Variants in WDR27 observed in about 807,000 individuals in gnomAD.
WDR27 encodes the protein WD repeat-containing protein 27.
A neutral mutation model predicts 114.4 loss-of-function variants in WDR27; 100 were observed. That is an observed-to-expected ratio of 0.87 (90% CI 0.74 to 1.03). The LOEUF is 1.03. Among genes scored for constraint, WDR27 ranks in the 50% least tolerant of loss-of-function variants. The pLI, the probability that WDR27 is intolerant of heterozygous loss-of-function variation, is 0.00. For missense variants in WDR27, 1,129 were observed against 1,092.9 expected, an observed-to-expected ratio of 1.03 and a Z score of -0.47; for synonymous variants, 449 against 423.1, an observed-to-expected ratio of 1.06 and a Z score of -0.75.
At chr6:169,622,237 T>C (rs1183378423) in intron 21 of WDR27, among the ~76,000 whole-genome samples, 1 of 152,212 alleles carries the variant, frequency 6.6e-6, no homozygotes, top group Admixed American at 6.5e-5. Flanking sequence ...TGATGTCTCA[T>C]GTCTCCCTAG....
intron 25 of WDR27, among the ~76,000 whole-genome samples, chr6:169,507,826 G>C (rs1451712502): frequency 6.6e-6 from 1 of 152,116 alleles, no homozygotes; most frequent in Non-Finnish European, 1.5e-5. Flanking sequence ...TTGACACATG[G>C]TGAAGTGGAG....
rs370713473 is a variant in WDR27 at position 169,647,848 on chromosome 6, C to T, written c.1582G>A (p.Ala528Thr). Residue 528 changes from alanine (A) to threonine (T), a missense_variant, in exon 16 of 26, where the codon GCT becomes ACT. By Grantham distance (58) the Ala-to-Thr change is moderately conservative. Coordinates refer to ENST00000448612, the MANE Select transcript of WDR27 (RefSeq NM_182552.5). Reference sequence around the variant, plus strand: ...TGGGGGCCGGGCTTGGTGGGCACAGCGCACTCCACGGGGTATGCCTCCCTG... The same window carrying T: ...TGGGGGCCGGGCTTGGTGGGCACAGTGCACTCCACGGGGTATGCCTCCCTG... ...CAREAYPVECAVPTKPGPQVA... is the reference protein window; with the variant it reads ...CAREAYPVECTVPTKPGPQVA... The T allele has an allele frequency of 8.3e-6, 13 of 1,573,294 alleles. No homozygotes were observed. The highest frequency in any genetic ancestry group is 2.7e-5 in the African/African-American group (2 of 73,974).
intron 2 of WDR27, among the ~76,000 whole-genome samples, chr6:169,677,994 G>A (rs1005020652): frequency 1.3e-5 from 2 of 152,252 alleles, no homozygotes; most frequent in African/African-American, 4.8e-5. Context: ...GCAGAAGCCT[G>A]CTGCAGGAGT....
At chr6:169,527,082 T>C (rs1795045440) in intron 25 of WDR27, among the ~76,000 whole-genome samples, 1 of 152,250 alleles carries the variant, frequency 6.6e-6, no homozygotes, top group Non-Finnish European at 1.5e-5. Context: ...TATAAAGGTT[T>C]AGCAATTCTT....
intron 13 of WDR27, among the ~76,000 whole-genome samples, chr6:169,655,382 G>A (rs1162130667): frequency 6.6e-6 from 1 of 152,212 alleles, no homozygotes; most frequent in Non-Finnish European, 1.5e-5. Flanking sequence ...GGTACAGCAG[G>A]GTGCTGCAAA....
rs201763660 is a variant in WDR27, at chr6:169,468,554, A to G, written c.2646-10920T>C. ...TGGAGGTAACCACCACCATGATTCA[A>G]TTACCTCCCACCAGGTCCCTCCCAT... On this transcript the variant is annotated intron_variant, in intron 25 of 25. Transcript: ENST00000448612. 1.7e-4 allele frequency among the ~76,000 whole-genome samples: 26 copies of G among 152,326 alleles called. No individual in the cohort carries two copies. The East Asian group carries it at 4.8e-3, about 28-fold the overall frequency.
rs11342717 is a variant in WDR27 at position 169,531,655 on chromosome 6, GTT to G, written c.2645+40762_2645+40763del. 1.5e-3 allele frequency among the ~76,000 whole-genome samples: 200 copies of G among 133,000 alleles called. 1 individual carries two copies. In the Middle Eastern group the frequency reaches 0.017, roughly 11 times the overall value. The allele number at this position is 133,000 out of a possible 152,430, so 87.3% of individuals were successfully genotyped here. A position where few individuals can be genotyped will look rare whatever the true frequency, so the allele number is the denominator to read the frequency against. On this transcript the variant is annotated intron_variant, in intron 25 of 25. Transcript: ENST00000448612. ...AGAATTCTGCAACATTAAACAGTTT[GTT>G]TTTTTTTTTTTTTTGAAATGGAGTG...
At chr6:169,592,911 G>A (rs1806031497) in intron 23 of WDR27, among the ~76,000 whole-genome samples, 2 of 152,280 alleles carry the variant, frequency 1.3e-5, no homozygotes, top group South Asian at 4.2e-4. Flanking sequence ...CCAGGAACAT[G>A]GTTATAAGAG....
rs150461401 is a variant in WDR27, at chr6:169,468,572, C to T, written c.2646-10938G>A. ...TGATTCAATTACCTCCCACCAGGTC[C>T]CTCCCATGACACATGGGGATTGTGG... On this transcript the variant is annotated intron_variant, in intron 25 of 25. Coordinates refer to ENST00000448612, the MANE Select transcript of WDR27 (RefSeq NM_182552.5). Among the ~76,000 whole-genome samples, 1,080 of 152,308 alleles carry T rather than the reference C, an allele frequency of 7.1e-3. 4 individuals are homozygous for T. Among genetic ancestry groups the T allele is most frequent in the Middle Eastern group, 0.02 (6 of 294 alleles).
the WDR27 span, among the ~76,000 whole-genome samples, chr6:169,428,608 A>AGGGGGGGGGGGGGGGGGG: frequency 5.2e-5 from 6 of 114,464 alleles, no homozygotes; most frequent in Non-Finnish European, 5.3e-5. Flanking sequence ...GGCGGGGGGG[A>AGGGGGGGGGGGGGGGGGG]GGGGGGGGTT....
rs930239369 is a variant in WDR27, at chr6:169,457,508, C to T, written c.*84G>A. 13 of 1,240,754 alleles carry T rather than the reference C, an allele frequency of 1.0e-5. No individual in the cohort carries two copies. The South Asian group carries it at 1.9e-4, about 19-fold the overall frequency. The allele number at this position is 1,240,754 out of a possible 1,614,324, so 76.9% of individuals were successfully genotyped here. ...AAAAACAGTTGCTGCTTCTGGCCCC[C>T]TGATGGATGAACCACTACTTCTTAC... On this transcript the variant is annotated 3_prime_UTR_variant, in exon 26 of 26. Coordinates refer to ENST00000448612, the MANE Select transcript of WDR27 (RefSeq NM_182552.5).
At chr6:169,654,709 C>T (rs554603822) in intron 13 of WDR27, among the ~76,000 whole-genome samples, 3 of 150,088 alleles carry the variant, frequency 2.0e-5, no homozygotes, top group Admixed American at 6.6e-5. Context: ...GGAGGAGGCG[C>T]GCACAGGAGA....
At chr6:169,583,518 C>T (rs1299853286) in intron 23 of WDR27, among the ~76,000 whole-genome samples, 19 of 45,286 alleles carry the variant, frequency 4.2e-4, no homozygotes, top group African/African-American at 7.1e-4. Context: ...TATATACACA[C>T]ACACACACAC....
chr6:169,664,484 C>T, intron 7 of WDR27, 198 bp from the exon 8 acceptor site: 1 of 1,425,940 alleles, frequency 7.0e-7, no homozygotes, highest in Non-Finnish European at 9.1e-7. Flanking sequence ...GGTGTCAGAG[C>T]ACTTTCACAC....
intron 1 of WDR27, among the ~76,000 whole-genome samples, chr6:169,695,753 T>C (rs1785749447): frequency 6.6e-6 from 1 of 152,232 alleles, no homozygotes; most frequent in Non-Finnish European, 1.5e-5. Flanking sequence ...TTGAGGTTAC[T>C]AATCAGATGG....
intron 22 of WDR27, among the ~76,000 whole-genome samples, chr6:169,606,153 A>T (rs1809132284): frequency 6.6e-6 from 1 of 152,204 alleles, no homozygotes; most frequent in Non-Finnish European, 1.5e-5. Context: ...AGAAATAATC[A>T]ACAGAGTGAA....
rs35496118 is a variant in WDR27, at chr6:169,605,595, T to TAA, written c.2322-3276_2322-3275dup. On this transcript the variant is annotated intron_variant, in intron 22 of 25. Coordinates refer to ENST00000448612, the MANE Select transcript of WDR27 (RefSeq NM_182552.5). ...AAAATACCAATGTCATTTTTTACAT[T>TAA]AAAAAAAAAAACACCCTAAACTTCA... 1.7e-3 allele frequency among the ~76,000 whole-genome samples: 241 copies of TAA among 145,194 alleles called. 3 individuals carry two copies. Among genetic ancestry groups the TAA allele is most frequent in the Admixed American group, 3.7e-3 (54 of 14,568 alleles).
At chr6:169,698,459 G>A (rs1173283197) in intron 1 of WDR27, among the ~76,000 whole-genome samples, 4 of 152,078 alleles carry the variant, frequency 2.6e-5, no homozygotes, top group African/African-American at 9.7e-5. Flanking sequence ...ATGAGTCCAG[G>A]GCAGCTAACT....
chr6:169,672,164 G>A, intron 3 of WDR27, 91 bp downstream of exon 3: 1 of 1,382,504 alleles, frequency 7.2e-7, no homozygotes, highest in Non-Finnish European at 9.8e-7. Context: ...TGTTACCCAA[G>A]GGAAACACCC....
Sources: allele counts gnomAD v4.1 joint callset (sites outside exome capture counted in the v4.1 genomes callset), GRCh38; gene constraint gnomAD v4.1.1; transcripts MANE v1.5; gene names NCBI Gene and HGNC (gene_info 2026-07-23, HGNC 2026-07-21).